The following DGKA variants were observed in gnomAD, a reference collection of about 807,000 sequenced individuals.
DGKA encodes 80 kDa diacylglycerol kinase.
A neutral mutation model predicts 105.0 loss-of-function variants in DGKA; 35 were observed. The observed-to-expected ratio is 0.33, with a 90% CI of 0.25 to 0.44. DGKA has a LOEUF of 0.44. Ranked by LOEUF, DGKA falls within the 20% of genes least tolerant of loss-of-function variation. The pLI is 1.00. For missense variants in DGKA, 665 were observed against 915.0 expected, an observed-to-expected ratio of 0.73 and a Z score of 3.53; for synonymous variants, 296 against 332.0, an observed-to-expected ratio of 0.89 and a Z score of 1.18.
chr12:55,937,796 A>C (rs1228591361), intron 4 of DGKA, among the ~76,000 whole-genome samples, 182 bp from the exon 5 acceptor site: 1 of 152,094 alleles, frequency 6.6e-6, no homozygotes, highest in South Asian at 2.1e-4. Flanking sequence ...CCAGGAGTTC[A>C]AGGTGCAGTG....
At position 55,953,773 on chromosome 12, in the gene DGKA, G is replaced by T. The variant is rs762536611; in HGVS notation, c.*5G>T. 3.1e-6 allele frequency: 5 copies of T among 1,613,910 alleles called. No individual in the cohort carries two copies. The South Asian group carries it at 5.5e-5, about 18-fold the overall frequency. On this transcript the variant is annotated 3_prime_UTR_variant, in exon 24 of 24. Transcript: ENST00000331886. ...TTCTTTGGCTTCTTGAGCTAAGGGG[G>T]ACACCCTTGGCCTCCAAGCCAGCCT... is the stretch of plus-strand genomic sequence containing the variant.
At chr12:55,936,319 G>T in intron 1 of DGKA, 104 bp from the exon 2 acceptor site, 1 of 1,311,174 alleles carries the variant, frequency 7.6e-7, no homozygotes, top group Non-Finnish European at 1.0e-6. Context: ...GAGAAGGAAA[G>T]AACAAAAAAT....
chr12:55,942,347 T>C, intron 17 of DGKA, 84 bp downstream of exon 17: 5 of 1,306,870 alleles, frequency 3.8e-6, no homozygotes, highest in Non-Finnish European at 4.4e-6. Context: ...ACTAGGCATC[T>C]GGTATGGAAA....
At chr12:55,930,825 TGTG>T (rs1402108756), upstream of DGKA, 6 of 152,154 alleles carry the variant, frequency 3.9e-5, no homozygotes, top group Non-Finnish European at 1.5e-5. Flanking sequence ...TTCTGGCAAA[TGTG>T]GAGGAGTCTG....
Position 55,932,283 on chromosome 12 carries a change from CGGG to C in DGKA, c.-82+942_-82+944del. 1.9e-6 allele frequency: 1 copy of C among 522,918 alleles called. No homozygotes were observed. The highest frequency in any genetic ancestry group is 2.1e-5 in the South Asian group (1 of 47,956). 32.4% of individuals were successfully genotyped at this position (522,918 alleles called of 1,614,324 possible). ...ATCGAGAAGGGTCTGCGCTGGGACG[CGGG>C]GGTGCAGCGGGAGGGCTGGGCCCGA... On this transcript the variant is annotated intron_variant, in intron 1 of 23. Transcript: ENST00000331886. This position sits in a 1 kb window ranked among gnomAD's most constrained non-coding sequence, Gnocchi z 4.3.
At chr12:55,936,760 C>A (rs1263129058) in intron 2 of DGKA, 193 bp downstream of exon 2, 1 of 917,366 alleles carries the variant, frequency 1.1e-6, no homozygotes, top group South Asian at 1.4e-5. Context: ...CTACCACAGT[C>A]TAACTGGGCT....
Position 55,940,221 on chromosome 12 carries a change from G to C in DGKA, c.798+51G>C. 6.2e-7 allele frequency: 1 copy of C among 1,613,970 alleles called. No individual in the cohort carries two copies. The highest frequency in any genetic ancestry group is 8.5e-7 in the Non-Finnish European group (1 of 1,179,866). ...CAACATCACCTACATCCTGGCCCTG[G>C]CCCTGGCCCTTGGCCCATTGCTGCC... On this transcript the variant is annotated intron_variant, in intron 10 of 23. Coordinates refer to ENST00000331886, the MANE Select transcript of DGKA (RefSeq NM_001345.5). The surrounding 1 kb of genome is among the most constrained non-coding windows in gnomAD (Gnocchi z 4.3).
chr12:55,936,446 G>C lies in DGKA; in HGVS notation c.-58G>C. 6.3e-7 allele frequency: 1 copy of C among 1,597,026 alleles called. No individual in the cohort carries two copies. The highest frequency in any genetic ancestry group is 1.3e-5 in the African/African-American group (1 of 74,720). ...AGGCCTACCCTCTGAAGAGGTCCAA[G>C]CAACGGAAGTACTACTACGAAGCTG... On this transcript the variant is annotated 5_prime_UTR_variant, in exon 2 of 24. Transcript: ENST00000331886.
At chr12:55,927,775 G>A, upstream of DGKA, 3 of 1,538,428 alleles carry the variant, frequency 2.0e-6, no homozygotes, top group Non-Finnish European at 2.6e-6. Context: ...CGAAGAGGCA[G>A]CGGACCAGGT....
At chr12:55,944,170 C>T (rs1022428243) in intron 17 of DGKA, among the ~76,000 whole-genome samples, 12 of 152,112 alleles carry the variant, frequency 7.9e-5, no homozygotes, top group Non-Finnish European at 1.5e-4. Context: ...CATGGTGGCA[C>T]GCACCTGTAG....
At chr12:55,939,140 C>A in intron 7 of DGKA, 46 bp from the exon 8 acceptor site, 2 of 1,608,204 alleles carry the variant, frequency 1.2e-6, no homozygotes, top group South Asian at 2.2e-5. Flanking sequence ...GGTGTTGGGT[C>A]TGAAGACCCA....
Position 55,941,587 on chromosome 12 carries a change from G to A in DGKA, c.1250+3G>A. 1 of 1,614,016 alleles carries A rather than the reference G, an allele frequency of 6.2e-7. No homozygotes were observed. The highest frequency in any genetic ancestry group is 8.5e-7 in the Non-Finnish European group (1 of 1,179,900). ...CTAAAGGATGGTCCTGAGATAGGGT[G>A]AGCACAGGTTAGGGACTGTATCACA... is the stretch of plus-strand genomic sequence containing the variant. On this transcript the variant is annotated splice_donor_region_variant and intron_variant, in intron 15 of 23. Coordinates refer to ENST00000331886, the MANE Select transcript of DGKA (RefSeq NM_001345.5).
In DGKA at chr12:55,938,028, G is replaced by A. The variant is rs780038381; in HGVS notation, c.325G>A (p.Gly109Ser). The change falls in exon 5 of 24, where the codon GGT becomes AGT. Residue 109 changes from glycine (G) to serine (S), a missense_variant. Transcript: ENST00000331886. ...VSCYFSLLEGGRPEDKLEFTF... is the reference protein window; with the variant it reads ...VSCYFSLLEGSRPEDKLEFTF... ...CTGCTACTTTTCCCTTCTGGAGGGTGGTCGGCCAGAAGACAAGTTAGAATG... is the reference window on the plus strand; with the variant it reads ...CTGCTACTTTTCCCTTCTGGAGGGTAGTCGGCCAGAAGACAAGTTAGAATG... 14 of 1,614,004 alleles carry A rather than the reference G, an allele frequency of 8.7e-6. No individual in the cohort carries two copies. In the South Asian group the frequency reaches 1.5e-4, roughly 18 times the overall value.
At chr12:55,951,249 T>C (rs961006872) in intron 17 of DGKA, among the ~76,000 whole-genome samples, 11 of 152,196 alleles carry the variant, frequency 7.2e-5, no homozygotes, top group African/African-American at 2.7e-4. Flanking sequence ...ATAACACTGT[T>C]TACACATGGT....
Position 55,932,274 on chromosome 12 carries a change from G to T in DGKA, c.-82+930G>T. On this transcript the variant is annotated intron_variant, in intron 1 of 23. Coordinates refer to ENST00000331886, the MANE Select transcript of DGKA (RefSeq NM_001345.5). The surrounding 1 kb of genome is among the most constrained non-coding windows in gnomAD (Gnocchi z 4.3). ...GGAGCGGGTATCGAGAAGGGTCTGC[G>T]CTGGGACGCGGGGGTGCAGCGGGAG... is the stretch of plus-strand genomic sequence containing the variant. The T allele has an allele frequency of 2.0e-6, 1 of 508,878 alleles. No individual in the cohort carries two copies. Among genetic ancestry groups the T allele is most frequent in the Non-Finnish European group, 3.6e-6 (1 of 279,428 alleles). The allele number at this position is 508,878 out of a possible 1,614,324, so 31.5% of individuals were successfully genotyped here.
At position 55,939,400 on chromosome 12, in the gene DGKA, A is replaced by G. The variant is rs1206128451; in HGVS notation, c.595-15A>G. The G allele has an allele frequency of 6.2e-7, 1 of 1,614,058 alleles. No individual in the cohort carries two copies. The highest frequency in any genetic ancestry group is 2.2e-5 in the East Asian group (1 of 44,884). On this transcript the variant is annotated splice_polypyrimidine_tract_variant and intron_variant, in intron 8 of 23. Transcript: ENST00000331886. ...AGGGCTTTGACACTCCCTAGCATCT[A>G]CTGTGCCTTCCTAGACTCTGAAGGA... is the stretch of plus-strand genomic sequence containing the variant.
At chr12:55,947,857 C>G (rs183292542) in intron 17 of DGKA, among the ~76,000 whole-genome samples, 65 of 152,236 alleles carry the variant, frequency 4.3e-4, no homozygotes, top group African/African-American at 1.5e-3. Flanking sequence ...ATAGTACAAT[C>G]TCGGCTCACT....
chr12:55,938,945 C>T lies in DGKA; in HGVS notation c.430C>T (p.Arg144Ter), dbSNP rs1885332221. ...GGACAAAATTATCCTACAGATGATGCGAGTGGCTGAATACCTGGATTGGGA... is the reference window on the plus strand; with the variant it reads ...GGACAAAATTATCCTACAGATGATGTGAGTGGCTGAATACCTGGATTGGGA... ...EVDKIILQMM[R>*]VAEYLDWDVS... is the part of the protein sequence containing the mutation. The change falls in exon 7 of 24, where the codon CGA becomes TGA. Residue 144 changes from arginine (R) to a stop codon, truncating the protein, a stop_gained. Transcript: ENST00000331886. LOFTEE classifies it high-confidence loss of function. 2.5e-6 allele frequency: 4 copies of T among 1,614,170 alleles called. No homozygotes were observed. The highest frequency in any genetic ancestry group is 3.4e-6 in the Non-Finnish European group (4 of 1,180,034).
chr12:55,932,486 C>A lies in DGKA; in HGVS notation c.-82+1142C>A, dbSNP rs1233547289. On this transcript the variant is annotated intron_variant, in intron 1 of 23. Coordinates refer to ENST00000331886, the MANE Select transcript of DGKA (RefSeq NM_001345.5). This position sits in a 1 kb window ranked among gnomAD's most constrained non-coding sequence, Gnocchi z 4.3. The stretch of plus-strand genomic sequence containing the variant: ...GGCCTCCAGGTCCCCAACTTCCCAC[C>A]CCATCCTCTCCCCACCTGTCACTGG... 2 of 700,940 alleles carry A rather than the reference C, an allele frequency of 2.9e-6. No homozygotes were observed. Among genetic ancestry groups the A allele is most frequent in the East Asian group, 5.4e-5 (2 of 37,258 alleles). The allele number at this position is 700,940 out of a possible 1,614,324, so 43.4% of individuals were successfully genotyped here. A position where few individuals can be genotyped will look rare whatever the true frequency, so the allele number is the denominator to read the frequency against.
Sources: allele counts gnomAD v4.1 joint callset (sites outside exome capture counted in the v4.1 genomes callset), GRCh38; gene constraint gnomAD v4.1.1; non-coding constraint Gnocchi (gnomAD v3.1); transcripts MANE v1.5; gene names NCBI Gene and HGNC (gene_info 2026-07-23, HGNC 2026-07-21).